PCDHA9: variants seen among roughly 807,000 people sequenced by gnomAD.
PCDHA9 encodes protocadherin alpha 9, also known as protocadherin alpha-9.
PCDHA9 carries 62 observed loss-of-function variants against 62.0 expected under a neutral mutation model. The ratio of observed to expected loss-of-function variants is 1.00; its 90% CI spans 0.81 to 1.23. PCDHA9 has a LOEUF of 1.23. PCDHA9 is among the 50% of genes most tolerant of loss of function. The probability of loss-of-function intolerance (pLI) is 0.00; values close to 1 mark genes in which losing one functional copy is unlikely to be tolerated. For synonymous variants in PCDHA9, 557 were observed against 567.6 expected (o/e 0.98, Z 0.27); for missense variants, 1,205 against 1,249.8 (o/e 0.96, Z 0.54).
At position 140,946,093 on chromosome 5, in the gene PCDHA9, T is replaced by A. The variant is rs1171535500; in HGVS notation, c.2395-32856T>A. Among the ~76,000 whole-genome samples, 4 of 151,584 alleles carry A rather than the reference T, an allele frequency of 2.6e-5. No homozygotes were observed. In the East Asian group the frequency reaches 7.7e-4, roughly 29 times the overall value. ...TGCAAACCACAGATCTGATAAGGAG[T>A]TAACATACCAAATATATAAGGAACT... is the stretch of plus-strand genomic sequence containing the variant. On this transcript the variant is annotated intron_variant, in intron 1 of 3. Transcript: ENST00000532602.
At chr5:140,922,577 T>C (rs155818) in intron 1 of PCDHA9, among the ~76,000 whole-genome samples, 48,013 of 152,060 alleles carry the variant, frequency 0.32, 7,938 homozygotes, top group East Asian at 0.53. Flanking sequence ...AGTTGCCCTG[T>C]AGCCGCCAGT....
Position 140,882,398 on chromosome 5 carries a change from T to C in PCDHA9, c.2394+31509T>C, listed in dbSNP as rs782596260. The C allele has an allele frequency of 5.6e-6, 9 of 1,614,040 alleles. No individual in the cohort carries two copies. In the African/African-American group the frequency reaches 9.3e-5, roughly 17 times the overall value. On this transcript the variant is annotated intron_variant, in intron 1 of 3. Coordinates refer to ENST00000532602, the MANE Select transcript of PCDHA9 (RefSeq NM_031857.2). ...CCCCGAGGAAGCAAAACACGGCACCTTCGTGGGCCGCATCGCTCAGGACCT... is the reference window on the plus strand; with the variant it reads ...CCCCGAGGAAGCAAAACACGGCACCCTCGTGGGCCGCATCGCTCAGGACCT...
chr5:140,987,011 C>T (rs1266225593), intron 3 of PCDHA9, among the ~76,000 whole-genome samples: 2 of 152,104 alleles, frequency 1.3e-5, no homozygotes, highest in African/African-American at 4.8e-5. Context: ...GTCATGAGTT[C>T]GAGACCAGCC....
intron 1 of PCDHA9, among the ~76,000 whole-genome samples, chr5:140,921,833 T>C (rs1228666561): frequency 1.3e-5 from 2 of 152,094 alleles, no homozygotes; most frequent in Admixed American, 6.6e-5. Flanking sequence ...TATACACATA[T>C]AGACATATTT....
chr5:140,854,758 C>T (rs2150321610), intron 1 of PCDHA9: 1 of 149,590 alleles, frequency 6.7e-6, no homozygotes, highest in South Asian at 2.1e-4. Context: ...ATTACATTTT[C>T]ATTCCTGAAT....
intron 1 of PCDHA9, among the ~76,000 whole-genome samples, chr5:140,933,147 A>G (rs1584764690): frequency 6.6e-6 from 1 of 151,986 alleles, no homozygotes. Context: ...ATAGCCACTC[A>G]TTTTGTTCCC....
rs2150471701 is a variant in PCDHA9, at chr5:140,850,183, C to T, written c.1688C>T (p.Pro563Leu). The change falls in exon 1 of 4, where the codon CCG becomes CTG. Residue 563 changes from proline to leucine, a missense_variant. Physicochemically the swap from Pro to Leu is moderately conservative, Grantham distance 98. Transcript: ENST00000532602. ...VFVLDENDNA[P>L]ALLTPRMRGT... is the part of the protein sequence containing the mutation. ...GTGCTGGACGAGAACGACAATGCGC[C>T]GGCGCTGCTGACACCTCGGATGAGG... The T allele has an allele frequency of 1.9e-6, 3 of 1,593,774 alleles. 1 individual carries two copies. Among genetic ancestry groups the T allele is most frequent in the Non-Finnish European group, 1.7e-6 (2 of 1,167,724 alleles).
At chr5:140,926,789 G>A in intron 1 of PCDHA9, 1 of 1,432,318 alleles carries the variant, frequency 7.0e-7, no homozygotes, top group East Asian at 2.5e-5. Flanking sequence ...CGGCCGGCAG[G>A]AGCGTGCTCT....
chr5:140,854,975 ATT>A (rs1554147536), intron 1 of PCDHA9, among the ~76,000 whole-genome samples: 1 of 149,964 alleles, frequency 6.7e-6, no homozygotes, highest in Non-Finnish European at 1.5e-5. Context: ...CAGAATTATA[ATT>A]AAGATTCTTT....
intron 3 of PCDHA9, among the ~76,000 whole-genome samples, chr5:140,993,462 TCA>T (rs3836747): frequency 0.093 from 13,122 of 140,864 alleles, 629 homozygotes; most frequent in African/African-American, 0.12. Flanking sequence ...TCTTTCTTTC[TCA>T]CACACACACA....
chr5:140,928,547 A>T (rs782813761), intron 1 of PCDHA9: 5 of 1,614,206 alleles, frequency 3.1e-6, no homozygotes, highest in Middle Eastern at 3.3e-4. Context: ...AATGACAATT[A>T]TCCGGTTATC....
rs1279359347 is a variant in PCDHA9 at position 141,012,130 on chromosome 5, C to T, written c.*2193C>T. ...ACTGAAGCCCATGTATCTGACCTTA[C>T]GTGCCTTTTGAACTAGGAGAATCGG... On this transcript the variant is annotated 3_prime_UTR_variant, in exon 4 of 4. Coordinates refer to ENST00000532602, the MANE Select transcript of PCDHA9 (RefSeq NM_031857.2). The T allele has an allele frequency of 2.0e-5, 3 of 153,796 alleles. No individual in the cohort carries two copies. The highest frequency in any genetic ancestry group is 1.9e-4 in the East Asian group (1 of 5,172). 9.5% of individuals were successfully genotyped at this position (153,796 alleles called of 1,614,324 possible). A position where few individuals can be genotyped will look rare whatever the true frequency, so the allele number is the denominator to read the frequency against.
At chr5:141,000,854 G>A (rs2097968530) in intron 3 of PCDHA9, among the ~76,000 whole-genome samples, 1 of 152,010 alleles carries the variant, frequency 6.6e-6, no homozygotes, top group Non-Finnish European at 1.5e-5. Flanking sequence ...CTGGCAGTCA[G>A]CCATGACCTC....
intron 1 of PCDHA9, among the ~76,000 whole-genome samples, chr5:140,975,398 TCA>T (rs1554236785): frequency 1.3e-4 from 20 of 152,270 alleles, no homozygotes. Flanking sequence ...TCCATCACAA[TCA>T]CAGTCTTGGA....
At chr5:140,966,950 G>A (rs782713044) in intron 1 of PCDHA9, 3 of 1,603,480 alleles carry the variant, frequency 1.9e-6, no homozygotes, top group Non-Finnish European at 2.5e-6. Flanking sequence ...GGGCAACGTG[G>A]CTCGCGCGCT....
intron 1 of PCDHA9, chr5:140,863,615 T>C (rs1290782399): frequency 1.2e-5 from 4 of 339,092 alleles, no homozygotes; most frequent in South Asian, 4.8e-5. Context: ...ATGTCCCTCA[T>C]AGTGACATTG....
chr5:140,858,610 T>G, intron 1 of PCDHA9: 1 of 1,234,746 alleles, frequency 8.1e-7, no homozygotes, highest in Non-Finnish European at 1.1e-6. Flanking sequence ...TAAAATTTTT[T>G]TATCCTACCC....
intron 1 of PCDHA9, among the ~76,000 whole-genome samples, chr5:140,885,118 C>CT (rs782576516): frequency 6.6e-6 from 1 of 152,022 alleles, no homozygotes; most frequent in Non-Finnish European, 1.5e-5. Context: ...TTTAAGTGCA[C>CT]TTTTCTTTCT....
chr5:140,912,918 G>A (rs1302662045), intron 1 of PCDHA9, among the ~76,000 whole-genome samples: 16 of 152,284 alleles, frequency 1.1e-4, no homozygotes, highest in Middle Eastern at 3.4e-3. Flanking sequence ...ATTGATTTGT[G>A]TATGTTGAAT....
Sources: allele counts gnomAD v4.1 joint callset (sites outside exome capture counted in the v4.1 genomes callset), GRCh38; gene constraint gnomAD v4.1.1; transcripts MANE v1.5; gene names NCBI Gene and HGNC (gene_info 2026-07-23, HGNC 2026-07-21).